RASGEF1C: variants seen among roughly 807,000 people sequenced by gnomAD.
RASGEF1C encodes the protein RasGEF domain family member 1C, also known as ras-GEF domain-containing family member 1C.
RASGEF1C carries 27 observed loss-of-function variants against 58.1 expected under a neutral mutation model. That is an observed-to-expected ratio of 0.46 (90% CI 0.34 to 0.64). The LOEUF is 0.64. Ranked by LOEUF, RASGEF1C falls within the 30% of genes least tolerant of loss-of-function variation. The probability of loss-of-function intolerance (pLI) is 0.01; values close to 1 mark genes in which losing one functional copy is unlikely to be tolerated. For synonymous variants in RASGEF1C, 243 were observed against 246.3 expected, an observed-to-expected ratio of 0.99 and a Z score of 0.13; for missense variants, 502 against 605.1, an observed-to-expected ratio of 0.83 and a Z score of 1.79.
intron 1 of RASGEF1C, among the ~76,000 whole-genome samples, chr5:180,152,534 AGGG>A (rs1295043753): frequency 2.5e-4 from 31 of 123,114 alleles, no homozygotes; most frequent in African/African-American, 8.9e-4. Flanking sequence ...GGACACAGGA[AGGG>A]GAACATCACA....
chr5:180,111,100 C>T (rs1224201954), intron 12 of RASGEF1C, among the ~76,000 whole-genome samples: 2 of 152,174 alleles, frequency 1.3e-5, no homozygotes, highest in Non-Finnish European at 2.9e-5. Flanking sequence ...AGGCGTGAGT[C>T]ACTGTGCCTG....
intron 1 of RASGEF1C, among the ~76,000 whole-genome samples, chr5:180,142,586 G>A (rs1009040926): frequency 1.3e-5 from 2 of 152,188 alleles, no homozygotes; most frequent in Non-Finnish European, 2.9e-5. Flanking sequence ...GCATGGACGG[G>A]GAGGTGCACA....
In RASGEF1C at chr5:180,128,615, T is replaced by A; in HGVS notation, c.439-5A>T. ...ATGCATCCTCTTCCGGTATGCCTGG[T>A]GGGTGGAAAGAAGGGCGCTCAGGAC... On this transcript the variant is annotated splice_region_variant and splice_polypyrimidine_tract_variant and intron_variant, in intron 4 of 13. Coordinates refer to ENST00000361132, the MANE Select transcript of RASGEF1C (RefSeq NM_175062.4). The A allele has an allele frequency of 1.9e-6, 3 of 1,612,962 alleles. No individual in the cohort carries two copies. The highest frequency in any genetic ancestry group is 2.5e-6 in the Non-Finnish European group (3 of 1,179,844).
At chr5:180,139,241 G>A (rs1041346113) in intron 1 of RASGEF1C, among the ~76,000 whole-genome samples, 6 of 152,146 alleles carry the variant, frequency 3.9e-5, no homozygotes, top group African/African-American at 1.2e-4. Context: ...TCACAGTGAC[G>A]CATCCTGGCT....
chr5:180,197,542 A>G lies in RASGEF1C; in HGVS notation c.-7+11486T>C, dbSNP rs1756300925. ...CAGAGAGTGAGAGCAGTCCACGCTC[A>G]AAAATAGCCCAGACTGTCAACCGCA... is the stretch of plus-strand genomic sequence containing the variant. On this transcript the variant is annotated intron_variant, in intron 1 of 13. Transcript: ENST00000361132. The surrounding 1 kb of genome is among the most constrained non-coding windows in gnomAD (Gnocchi z 4.7). 6.6e-6 allele frequency among the ~76,000 whole-genome samples: 1 copy of G among 152,196 alleles called. No homozygotes were observed. Among genetic ancestry groups the G allele is most frequent in the African/African-American group, 2.4e-5 (1 of 41,444 alleles).
chr5:180,151,590 T>C (rs1166976838), intron 1 of RASGEF1C, among the ~76,000 whole-genome samples: 1 of 151,938 alleles, frequency 6.6e-6, no homozygotes, highest in African/African-American at 2.4e-5. Flanking sequence ...AAGACTTAAA[T>C]GTTAGACCTA....
intron 1 of RASGEF1C, among the ~76,000 whole-genome samples, chr5:180,175,315 C>T (rs552704681): frequency 2.9e-4 from 44 of 152,318 alleles, no homozygotes; most frequent in African/African-American, 9.9e-4. Context: ...GGCCCCCAGA[C>T]GCCAGAGGAG....
At chr5:180,165,843 G>A (rs1296572383) in intron 1 of RASGEF1C, among the ~76,000 whole-genome samples, 25 of 136,942 alleles carry the variant, frequency 1.8e-4, no homozygotes, top group African/African-American at 4.3e-4. Context: ...TCTGCCTCCC[G>A]GGTTCATACC....
chr5:180,109,283 C>T (rs889887551), intron 12 of RASGEF1C, among the ~76,000 whole-genome samples: 5 of 152,034 alleles, frequency 3.3e-5, no homozygotes, highest in South Asian at 4.2e-4. Context: ...GGTGAAACCC[C>T]GTCTCTACTA....
chr5:180,175,815 C>T (rs777915797), intron 1 of RASGEF1C, among the ~76,000 whole-genome samples: 19 of 151,954 alleles, frequency 1.3e-4, no homozygotes, highest in African/African-American at 2.7e-4. Context: ...TGGCTAACCC[C>T]GTCTCTAGTA....
chr5:180,152,521 C>T lies in RASGEF1C; in HGVS notation c.-6-14463G>A, dbSNP rs556440111. On this transcript the variant is annotated intron_variant, in intron 1 of 13. Coordinates refer to ENST00000361132, the MANE Select transcript of RASGEF1C (RefSeq NM_175062.4). ...AGGTGGGAATTGAACAATGAGAACA[C>T]ATGGACACAGGAAGGGGAACATCAC... Among the ~76,000 whole-genome samples the T allele has an allele frequency of 2.1e-3, 269 of 130,758 alleles. 3 individuals carry two copies. The highest frequency in any genetic ancestry group is 7.2e-3 in the African/African-American group (242 of 33,674). 85.8% of individuals were successfully genotyped at this position (130,758 alleles called of 152,430 possible).
At chr5:180,189,138 TCTAC>T (rs1756100822) in intron 1 of RASGEF1C, among the ~76,000 whole-genome samples, 1 of 152,244 alleles carries the variant, frequency 6.6e-6, no homozygotes, top group African/African-American at 2.4e-5. Context: ...CAATTGTATT[TCTAC>T]CTATCAGCAA....
At chr5:180,170,222 C>T (rs549730129) in intron 1 of RASGEF1C, among the ~76,000 whole-genome samples, 12 of 152,294 alleles carry the variant, frequency 7.9e-5, no homozygotes, top group African/African-American at 1.9e-4. Flanking sequence ...GGGACCAAGC[C>T]GGGCAGCAGG....
At chr5:180,103,222 T>C (rs552056391) in intron 12 of RASGEF1C, among the ~76,000 whole-genome samples, 2,094 of 152,164 alleles carry the variant, frequency 0.014, 29 homozygotes, top group Non-Finnish European at 0.018. Flanking sequence ...GGACTACAGG[T>C]ACCCACCACC....
In RASGEF1C at chr5:180,156,776, A is replaced by G. The variant is rs949850102; in HGVS notation, c.-6-18718T>C. Among the ~76,000 whole-genome samples the G allele has an allele frequency of 3.9e-5, 6 of 152,362 alleles. No homozygotes were observed. The highest frequency in any genetic ancestry group is 7.2e-5 in the African/African-American group (3 of 41,586). ...AACCAGAGTGAGACCCTGTCTCAAA[A>G]AAAAGTAAATAAAATAAAACATACA... On this transcript the variant is annotated intron_variant, in intron 1 of 13. Coordinates refer to ENST00000361132, the MANE Select transcript of RASGEF1C (RefSeq NM_175062.4). The surrounding 1 kb of genome is among the most constrained non-coding windows in gnomAD (Gnocchi z 4.9).
rs1262329405 is a variant in RASGEF1C at position 180,158,484 on chromosome 5, A to G, written c.-6-20426T>C. Among the ~76,000 whole-genome samples, 4 of 152,214 alleles carry G rather than the reference A, an allele frequency of 2.6e-5. No individual in the cohort carries two copies. The highest frequency in any genetic ancestry group is 4.4e-5 in the Non-Finnish European group (3 of 68,042). On this transcript the variant is annotated intron_variant, in intron 1 of 13. Coordinates refer to ENST00000361132, the MANE Select transcript of RASGEF1C (RefSeq NM_175062.4). The surrounding 1 kb of genome is among the most constrained non-coding windows in gnomAD (Gnocchi z 4.0). The stretch of plus-strand genomic sequence containing the variant: ...AGTGTAGTTTATAGTTCAGCAAGGC[A>G]TAGAATTCTAGATCTGTGCTCGTTT...
At chr5:180,164,763 T>C (rs1298941489) in intron 1 of RASGEF1C, among the ~76,000 whole-genome samples, 1 of 152,242 alleles carries the variant, frequency 6.6e-6, no homozygotes, top group Non-Finnish European at 1.5e-5. Flanking sequence ...TCTGCTGTGG[T>C]TGGGTAAAGT....
In RASGEF1C at chr5:180,177,635, TG is replaced by T. The variant is rs746661077; in HGVS notation, c.-7+31392del. Among the ~76,000 whole-genome samples, 1 of 152,180 alleles carries T rather than the reference TG, an allele frequency of 6.6e-6. No homozygotes were observed. The highest frequency in any genetic ancestry group is 1.5e-5 in the Non-Finnish European group (1 of 68,028). On this transcript the variant is annotated intron_variant, in intron 1 of 13. Transcript: ENST00000361132. The surrounding 1 kb of genome is among the most constrained non-coding windows in gnomAD (Gnocchi z 5.0). ...AGGAGGACATGGCCCTGGTGCCACT[TG>T]GGGAAGGAGTTGCGTTGGTCTGTGA...
In RASGEF1C at chr5:180,182,127, C is replaced by A. The variant is rs1368682880; in HGVS notation, c.-7+26901G>T. Among the ~76,000 whole-genome samples the A allele has an allele frequency of 2.1e-5, 3 of 144,806 alleles. No homozygotes were observed. The Admixed American group carries it at 2.1e-4, about 10-fold the overall frequency. The allele number at this position is 144,806 out of a possible 152,430, so 95.0% of individuals were successfully genotyped here. ...GGCTGAGGCAGGAGAATGGCGGGAA[C>A]CCGGGAGGTGGAGCTTGCAGTGAGT... is the stretch of plus-strand genomic sequence containing the variant. On this transcript the variant is annotated intron_variant, in intron 1 of 13. Transcript: ENST00000361132.
Sources: gnomAD v4.1 joint callset for allele counts (sites outside exome capture counted in the v4.1 genomes callset) on GRCh38, gnomAD v4.1.1 for gene constraint, Gnocchi (gnomAD v3.1) non-coding constraint, MANE v1.5 for transcripts, NCBI Gene and HGNC (gene_info 2026-07-23, HGNC 2026-07-21) for gene names.